The following OR8H2 variants were observed in gnomAD, a reference collection of about 807,000 sequenced individuals.
OR8H2 encodes the protein olfactory receptor 8H2.
For missense variants in OR8H2, 374 were observed against 371.1 expected (o/e 1.01, Z -0.06); for synonymous variants, 157 against 139.2 (o/e 1.13, Z -0.90).
Position 56,103,835 on chromosome 11 carries a change from T to C in OR8H2, c.-324T>C, listed in dbSNP as rs1854011516. On this transcript the variant is annotated 5_prime_UTR_variant, in exon 1 of 2. The change abolishes an upstream ATG in the 5' untranslated region. Coordinates refer to ENST00000313503, the MANE Select transcript of OR8H2 (RefSeq NM_001386064.1). ...ATAAAACATAATGAATACACCAAAA[T>C]GTAAAAACAACTTATCTCAAGTAAA... 6.6e-6 allele frequency: 1 copy of C among 152,166 alleles called. No homozygotes were observed. Among genetic ancestry groups the C allele is most frequent in the South Asian group, 2.1e-4 (1 of 4,838 alleles). 9.4% of individuals were successfully genotyped at this position (152,166 alleles called of 1,614,324 possible).
Position 56,105,614 on chromosome 11 carries a change from A to G in OR8H2, c.572A>G (p.Asp191Gly). The change falls in exon 2 of 2, where the codon GAT becomes GGT. Residue 191 changes from aspartate (D) to glycine (G), a missense_variant. Asp to Gly is a moderately conservative substitution (Grantham distance 94, BLOSUM62 -1). Transcript: ENST00000313503. Reference sequence around the variant, plus strand: ...CCAATTTTAGCTCTGTCCTGCACTGATACATACAACACCGAAATCCTGATA... The same window carrying G: ...CCAATTTTAGCTCTGTCCTGCACTGGTACATACAACACCGAAATCCTGATA... ...TSPILALSCT[D>G]TYNTEILIFI... 3.1e-6 allele frequency: 5 copies of G among 1,614,110 alleles called. No individual in the cohort carries two copies. Among genetic ancestry groups the G allele is most frequent in the Non-Finnish European group, 4.2e-6 (5 of 1,179,984 alleles).
rs1455090748 is a variant in OR8H2, at chr11:56,106,766, G to GA, written c.*790dup. 1 of 151,854 alleles carries GA rather than the reference G, an allele frequency of 6.6e-6. No homozygotes were observed. Among genetic ancestry groups the GA allele is most frequent in the East Asian group, 1.9e-4 (1 of 5,184 alleles). The allele number at this position is 151,854 out of a possible 1,614,324, so 9.4% of individuals were successfully genotyped here. A position where few individuals can be genotyped will look rare whatever the true frequency, so the allele number is the denominator to read the frequency against. ...AATATTTCAGTAGAATTAAGTTATA[G>GA]AAAAATAGCCTATATTAAGATAATG... On this transcript the variant is annotated 3_prime_UTR_variant, in exon 2 of 2. Transcript: ENST00000313503.
rs1854057441 is a variant in OR8H2 at position 56,106,488 on chromosome 11, C to T, written c.*507C>T. 6.6e-6 allele frequency: 1 copy of T among 152,460 alleles called. No homozygotes were observed. Among genetic ancestry groups the T allele is most frequent in the Non-Finnish European group, 1.5e-5 (1 of 68,388 alleles). The allele number at this position is 152,460 out of a possible 1,614,324, so 9.4% of individuals were successfully genotyped here. A position where few individuals can be genotyped will look rare whatever the true frequency, so the allele number is the denominator to read the frequency against. ...AGCTGTATAGCCAGTAATACGTTAC[C>T]TAAAGCTTAAGCCTCCCTTCCCTAA... On this transcript the variant is annotated 3_prime_UTR_variant, in exon 2 of 2. Coordinates refer to ENST00000313503, the MANE Select transcript of OR8H2 (RefSeq NM_001386064.1).
In OR8H2 at chr11:56,106,167, G is replaced by A. The variant is rs1339566479; in HGVS notation, c.*186G>A. ...GCATATGTTTTTAGAAATCCAAATG[G>A]TAATTAGAAATCATAATATGTGTGT... is the stretch of plus-strand genomic sequence containing the variant. On this transcript the variant is annotated 3_prime_UTR_variant, in exon 2 of 2. Coordinates refer to ENST00000313503, the MANE Select transcript of OR8H2 (RefSeq NM_001386064.1). 4.3e-6 allele frequency: 2 copies of A among 466,800 alleles called. No homozygotes were observed. Among genetic ancestry groups the A allele is most frequent in the African/African-American group, 4.0e-5 (2 of 50,198 alleles). The allele number at this position is 466,800 out of a possible 1,614,324, so 28.9% of individuals were successfully genotyped here.
At position 56,105,069 on chromosome 11, in the gene OR8H2, T is replaced by G. The variant is rs756078317; in HGVS notation, c.27T>G (p.Asn9Lys). 3.1e-6 allele frequency: 5 copies of G among 1,613,526 alleles called. No individual in the cohort carries two copies. The highest frequency in any genetic ancestry group is 2.7e-5 in the African/African-American group (2 of 74,926). MMGRRNNT[N>K]VADFILMGLT... ...TGATGGGTAGAAGGAATAACACAAATGTGGCTGACTTCATCCTTATGGGAC... is the reference window on the plus strand; with the variant it reads ...TGATGGGTAGAAGGAATAACACAAAGGTGGCTGACTTCATCCTTATGGGAC... The change falls in exon 2 of 2, where the codon AAT (asparagine) becomes AAG (lysine). Residue 9 changes from asparagine (N) to lysine (K), a missense_variant. Physicochemically the swap from Asn to Lys is moderately conservative, Grantham distance 94. Transcript: ENST00000313503.
rs1854067546 is a variant in OR8H2, at chr11:56,107,298, T to G, written c.*1317T>G. On this transcript the variant is annotated 3_prime_UTR_variant, in exon 2 of 2. Transcript: ENST00000313503. ...CTGTGTGTTTTTAAAAATCATTGCC[T>G]TTCTCCTGATTTCTACAGGTTTGTT... 6.6e-6 allele frequency: 1 copy of G among 152,002 alleles called. No homozygotes were observed. The highest frequency in any genetic ancestry group is 2.4e-5 in the African/African-American group (1 of 41,464). 9.4% of individuals were successfully genotyped at this position (152,002 alleles called of 1,614,324 possible).
At position 56,104,994 on chromosome 11, in the gene OR8H2, C is replaced by G. The variant is rs1207565867; in HGVS notation, c.-49C>G. ...CTCCAGTAGCTGGGATTACAGGCGC[C>G]CCTGCTACGTATCAGCTTTGATTTC... On this transcript the variant is annotated 5_prime_UTR_variant, in exon 2 of 2. Coordinates refer to ENST00000313503, the MANE Select transcript of OR8H2 (RefSeq NM_001386064.1). 1.7e-5 allele frequency: 26 copies of G among 1,497,220 alleles called. No individual in the cohort carries two copies. Among genetic ancestry groups the G allele is most frequent in the African/African-American group, 2.8e-5 (2 of 71,938 alleles). 92.7% of individuals were successfully genotyped at this position (1,497,220 alleles called of 1,614,324 possible).
rs1460162830 is a variant in OR8H2 at position 56,106,693 on chromosome 11, T to TA, written c.*717dup. On this transcript the variant is annotated 3_prime_UTR_variant, in exon 2 of 2. Transcript: ENST00000313503. ...TTTTGGTTAATTTAATTGACAGAAC[T>TA]AAAAAGAACAAAAATCAGCAGCTCA... 1 of 151,948 alleles carries TA rather than the reference T, an allele frequency of 6.6e-6. No individual in the cohort carries two copies. Among genetic ancestry groups the TA allele is most frequent in the African/African-American group, 2.4e-5 (1 of 41,428 alleles). The allele number at this position is 151,948 out of a possible 1,614,324, so 9.4% of individuals were successfully genotyped here. A position where few individuals can be genotyped will look rare whatever the true frequency, so the allele number is the denominator to read the frequency against.
Position 56,107,342 on chromosome 11 carries a change from C to A in OR8H2, c.*1361C>A, listed in dbSNP as rs897546383. On this transcript the variant is annotated 3_prime_UTR_variant, in exon 2 of 2. Transcript: ENST00000313503. ...GTTTGTTTCAGTTGTAAAAATAACT[C>A]CTTGACTTAAATGCTTTATTCATTG... 2.6e-5 allele frequency: 4 copies of A among 151,884 alleles called. No individual in the cohort carries two copies. The highest frequency in any genetic ancestry group is 2.6e-4 in the Admixed American group (4 of 15,258). The allele number at this position is 151,884 out of a possible 1,614,324, so 9.4% of individuals were successfully genotyped here. A position where few individuals can be genotyped will look rare whatever the true frequency, so the allele number is the denominator to read the frequency against.
At position 56,104,975 on chromosome 11, in the gene OR8H2, T is replaced by C. The variant is rs1357520245; in HGVS notation, c.-68T>C. 7.4e-7 allele frequency: 1 copy of C among 1,342,690 alleles called. No individual in the cohort carries two copies. Among genetic ancestry groups the C allele is most frequent in the Non-Finnish European group, 1.0e-6 (1 of 968,368 alleles). 83.2% of individuals were successfully genotyped at this position (1,342,690 alleles called of 1,614,324 possible). A position where few individuals can be genotyped will look rare whatever the true frequency, so the allele number is the denominator to read the frequency against. On this transcript the variant is annotated 5_prime_UTR_variant, in exon 2 of 2. The change abolishes the stop of an existing upstream ORF in the 5' untranslated region. Coordinates refer to ENST00000313503, the MANE Select transcript of OR8H2 (RefSeq NM_001386064.1). ...AATTCTCCTGCCTCAGCTTCTCCAGTAGCTGGGATTACAGGCGCCCCTGCT... is the reference window on the plus strand; with the variant it reads ...AATTCTCCTGCCTCAGCTTCTCCAGCAGCTGGGATTACAGGCGCCCCTGCT...
Position 56,106,392 on chromosome 11 carries a change from C to T in OR8H2, c.*411C>T, listed in dbSNP as rs1324309179. The T allele has an allele frequency of 6.5e-6, 1 of 154,242 alleles. No homozygotes were observed. Among genetic ancestry groups the T allele is most frequent in the African/African-American group, 2.4e-5 (1 of 41,422 alleles). 9.6% of individuals were successfully genotyped at this position (154,242 alleles called of 1,614,324 possible). On this transcript the variant is annotated 3_prime_UTR_variant, in exon 2 of 2. Coordinates refer to ENST00000313503, the MANE Select transcript of OR8H2 (RefSeq NM_001386064.1). The stretch of plus-strand genomic sequence containing the variant: ...TTTATTATATGGGGAAGAATTATAG[C>T]AGAGTGGGTAGGAGTACCTATTTTG...
Position 56,105,030 on chromosome 11 carries a change from A to T in OR8H2, c.-13A>T. ...ATCAGCTTTGATTTCTCAGCAGTTT[A>T]GAGCAGGTGAACATGATGGGTAGAA... On this transcript the variant is annotated 5_prime_UTR_variant, in exon 2 of 2. An upstream open reading frame in the 5' UTR gains an earlier in-frame stop. Transcript: ENST00000313503. 6.3e-7 allele frequency: 1 copy of T among 1,597,320 alleles called. No homozygotes were observed. The highest frequency in any genetic ancestry group is 8.5e-7 in the Non-Finnish European group (1 of 1,170,020).
chr11:56,107,284 T>C lies in OR8H2; in HGVS notation c.*1303T>C, dbSNP rs1361518890. 6.6e-6 allele frequency: 1 copy of C among 151,986 alleles called. No individual in the cohort carries two copies. The highest frequency in any genetic ancestry group is 1.9e-4 in the East Asian group (1 of 5,200). The allele number at this position is 151,986 out of a possible 1,614,324, so 9.4% of individuals were successfully genotyped here. A position where few individuals can be genotyped will look rare whatever the true frequency, so the allele number is the denominator to read the frequency against. On this transcript the variant is annotated 3_prime_UTR_variant, in exon 2 of 2. Coordinates refer to ENST00000313503, the MANE Select transcript of OR8H2 (RefSeq NM_001386064.1). The stretch of plus-strand genomic sequence containing the variant: ...TCTTTGTTAAAATCCTGTGTGTTTT[T>C]AAAAATCATTGCCTTTCTCCTGATT...
In OR8H2 at chr11:56,106,715, C is replaced by A. The variant is rs573372121; in HGVS notation, c.*734C>A. ...AACTAAAAAGAACAAAAATCAGCAG[C>A]TCACAATTTTGGATTTCAGAAGCAA... On this transcript the variant is annotated 3_prime_UTR_variant, in exon 2 of 2. Transcript: ENST00000313503. 1 of 151,952 alleles carries A rather than the reference C, an allele frequency of 6.6e-6. No homozygotes were observed. Among genetic ancestry groups the A allele is most frequent in the South Asian group, 2.1e-4 (1 of 4,824 alleles). 9.4% of individuals were successfully genotyped at this position (151,952 alleles called of 1,614,324 possible).
Position 56,105,212 on chromosome 11 carries a change from A to G in OR8H2, c.170A>G (p.His57Arg). ...ATAATCCGCCTGGACCTCCAGCTTC[A>G]CACTCCCATGTATTTTTTCCTTACT... Reference protein sequence around the residue: ...ILIIRLDLQLHTPMYFFLTHL... With the variant: ...ILIIRLDLQLRTPMYFFLTHL... Residue 57 changes from histidine to arginine, a missense_variant, in exon 2 of 2, where the codon CAC becomes CGC. His to Arg is a conservative substitution (Grantham distance 29). Coordinates refer to ENST00000313503, the MANE Select transcript of OR8H2 (RefSeq NM_001386064.1). 6.2e-7 allele frequency: 1 copy of G among 1,614,154 alleles called. No individual in the cohort carries two copies. The highest frequency in any genetic ancestry group is 1.6e-4 in the Middle Eastern group (1 of 6,062).
Position 56,104,905 on chromosome 11 carries a change from G to A in OR8H2, c.-138G>A. 1.4e-6 allele frequency: 1 copy of A among 718,402 alleles called. No homozygotes were observed. The highest frequency in any genetic ancestry group is 2.3e-6 in the Non-Finnish European group (1 of 427,212). The allele number at this position is 718,402 out of a possible 1,614,324, so 44.5% of individuals were successfully genotyped here. Reference sequence around the variant, plus strand: ...ACAGTCGCCAGGGCTGGAATGCAATGGTGCGATCCCGGCTCACTGCAACCT... The same window carrying A: ...ACAGTCGCCAGGGCTGGAATGCAATAGTGCGATCCCGGCTCACTGCAACCT... On this transcript the variant is annotated 5_prime_UTR_variant, in exon 2 of 2. The change abolishes an upstream ATG in the 5' untranslated region. Transcript: ENST00000313503.
In OR8H2 at chr11:56,105,353, T is replaced by A. The variant is rs747215873; in HGVS notation, c.311T>A (p.Phe104Tyr). ...FTGCFAQMFF[F>Y]AFLGTAECYL... ...GGCTGCTTTGCCCAGATGTTCTTTT[T>A]TGCCTTCTTGGGTACTGCTGAATGT... is the stretch of plus-strand genomic sequence containing the variant. Residue 104 changes from phenylalanine to tyrosine, a missense_variant, in exon 2 of 2, where the codon TTT (phenylalanine) becomes TAT (tyrosine). Physicochemically the swap from Phe to Tyr is conservative, Grantham distance 22 (BLOSUM62 3). Transcript: ENST00000313503. 1.7e-5 allele frequency: 27 copies of A among 1,614,222 alleles called. No individual in the cohort carries two copies. Among genetic ancestry groups the A allele is most frequent in the Non-Finnish European group, 2.0e-5 (24 of 1,180,032 alleles).
rs61750923 is a variant in OR8H2 at position 56,105,356 on chromosome 11, C to T, written c.314C>T (p.Ala105Val). The T allele has an allele frequency of 0.074, 119,459 of 1,614,078 alleles. 4,995 individuals carry two copies. Among genetic ancestry groups the T allele is most frequent in the Non-Finnish European group, 0.083 (97,494 of 1,180,002 alleles). ...TGCFAQMFFF[A>V]FLGTAECYLL... is the part of the protein sequence containing the mutation. The stretch of plus-strand genomic sequence containing the variant: ...TGCTTTGCCCAGATGTTCTTTTTTG[C>T]CTTCTTGGGTACTGCTGAATGTTAC... The change falls in exon 2 of 2, where the codon GCC becomes GTC. Residue 105 changes from alanine (A) to valine (V), a missense_variant. Coordinates refer to ENST00000313503, the MANE Select transcript of OR8H2 (RefSeq NM_001386064.1).
chr11:56,106,035 T>G lies in OR8H2; in HGVS notation c.*54T>G. On this transcript the variant is annotated 3_prime_UTR_variant, in exon 2 of 2. Transcript: ENST00000313503. ...AACTCATCTTTTCTTTCATTCCTGT[T>G]GGGTATTTTCTTAGTCTCTCTATAA... is the stretch of plus-strand genomic sequence containing the variant. 2 of 1,132,390 alleles carry G rather than the reference T, an allele frequency of 1.8e-6. No individual in the cohort carries two copies. Among genetic ancestry groups the G allele is most frequent in the Non-Finnish European group, 2.5e-6 (2 of 789,060 alleles). 70.1% of individuals were successfully genotyped at this position (1,132,390 alleles called of 1,614,324 possible). A position where few individuals can be genotyped will look rare whatever the true frequency, so the allele number is the denominator to read the frequency against.
Sources: allele counts gnomAD v4.1 joint callset, GRCh38; gene constraint gnomAD v4.1.1; transcripts MANE v1.5; gene names NCBI Gene and HGNC (gene_info 2026-07-23, HGNC 2026-07-21).